DUOX2: variants seen among roughly 807,000 people sequenced by gnomAD.
The protein encoded by DUOX2 is NADH/NADPH thyroid oxidase p138-tox.
Under a neutral mutation model 183.3 loss-of-function variants are expected in DUOX2, and 185 were observed. The ratio of observed to expected loss-of-function variants is 1.01; its 90% CI spans 0.90 to 1.14. The LOEUF is 1.14. Ranked by LOEUF, DUOX2 falls within the 50% of genes most tolerant of loss-of-function variation. The probability of loss-of-function intolerance (pLI) is 0.00; values close to 1 mark genes in which losing one functional copy is unlikely to be tolerated. For synonymous variants in DUOX2, 788 were observed against 812.4 expected (o/e 0.97, Z 0.51); for missense variants, 1,999 against 2,022.9 (o/e 0.99, Z 0.23).
In DUOX2 at chr15:45,110,801, T is replaced by C; in HGVS notation, c.883-91A>G. On this transcript the variant is annotated intron_variant, in intron 7 of 33. Transcript: ENST00000389039. ...CCCAAGGACGGCTTCCGTGTGGAGA[T>C]GAGACCAGGAAGGGTCAATCATGGG... is the stretch of plus-strand genomic sequence containing the variant. 1.0e-5 allele frequency: 16 copies of C among 1,593,236 alleles called. No homozygotes were observed. In the Middle Eastern group the frequency reaches 6.8e-4, roughly 68 times the overall value.
rs200785525 is a variant in DUOX2, at chr15:45,094,679, G to C, written c.4408C>G (p.Arg1470Gly). 3 of 1,613,974 alleles carry C rather than the reference G, an allele frequency of 1.9e-6. No individual in the cohort carries two copies. Among genetic ancestry groups the C allele is most frequent in the Non-Finnish European group, 2.5e-6 (3 of 1,179,950 alleles). Residue 1470 changes from arginine (R) to glycine (G), a missense_variant, in exon 33 of 34, where the codon CGG (arginine) becomes GGG (glycine). Around this residue, in one of 3 missense-constraint regions of DUOX2, gnomAD observed 1,628 missense variants for 1,608.6 expected, o/e 1.01. Coordinates refer to ENST00000389039, the MANE Select transcript of DUOX2 (RefSeq NM_001363711.2). Reference protein sequence around the residue: ...LRTTMLYICERHFQKVLNRSL... With the variant: ...LRTTMLYICEGHFQKVLNRSL... ...CGGTTCAGCACTTTCTGGAAGTGCC[G>C]CTCGCAGATGTACTGGGGGCACAGG...
In DUOX2 at chr15:45,098,064, G is replaced by A. The variant is rs762150396; in HGVS notation, c.3516-6C>T. On this transcript the variant is annotated splice_region_variant and splice_polypyrimidine_tract_variant and intron_variant, in intron 26 of 33. Coordinates refer to ENST00000389039, the MANE Select transcript of DUOX2 (RefSeq NM_001363711.2). ...ACTTCTGGGGAAGCTTGGACCTGGG[G>A]GGCAAAGGCACCTTGAGCCTCTGAC... 3 of 1,614,056 alleles carry A rather than the reference G, an allele frequency of 1.9e-6. No homozygotes were observed. The highest frequency in any genetic ancestry group is 3.3e-5 in the Admixed American group (2 of 60,028).
At chr15:45,099,931 G>A in intron 24 of DUOX2, 39 bp from the exon 25 acceptor site, 2 of 1,611,156 alleles carry the variant, frequency 1.2e-6, no homozygotes. Context: ...TGGCACAGGT[G>A]GCCAAGGTCC....
At chr15:45,107,114 C>T in intron 14 of DUOX2, 145 bp from the exon 15 acceptor site, 1 of 1,301,978 alleles carries the variant, frequency 7.7e-7, no homozygotes. Context: ...CAAAAAGTCC[C>T]CATTCATTTC....
At position 45,094,261 on chromosome 15, in the gene DUOX2, G is replaced by A. The variant is rs371167766; in HGVS notation, c.4536C>T (p.Ile1512=). 6.1e-5 allele frequency: 99 copies of A among 1,614,002 alleles called. No individual in the cohort carries two copies. The highest frequency in any genetic ancestry group is 7.9e-5 in the Non-Finnish European group (93 of 1,180,028). ...CTGGAGGGCCGCAGCTGAACACCCC[G>A]ATCTTGCGCACCTGTCAGGAGATTG... The part of the protein sequence containing the change: ...LQEVHPQVRK[I]GVFSCGPPGM... Residue 1512 remains isoleucine, a synonymous_variant, in exon 34 of 34, where the codon ATC becomes ATT. Coordinates refer to ENST00000389039, the MANE Select transcript of DUOX2 (RefSeq NM_001363711.2).
chr15:45,106,297 C>T lies in DUOX2; in HGVS notation c.1976G>A (p.Ser659Asn). ...CAGCAGCTGGATGATGATGGGACTG[C>T]TCCTCTCCTTGGGGCCTGGCCACTC... ...AMEWPGPKER[S>N]SPIIIQLLSD... Residue 659 changes from serine to asparagine, a missense_variant, in exon 17 of 34, where the codon AGC becomes AAC. This residue lies in a region of DUOX2 where 1,628 missense variants were observed against 1,608.6 expected (regional missense o/e 1.01). Transcript: ENST00000389039. 3 of 1,614,112 alleles carry T rather than the reference C, an allele frequency of 1.9e-6. No homozygotes were observed. Among genetic ancestry groups the T allele is most frequent in the South Asian group, 2.2e-5 (2 of 91,082 alleles).
rs1404095647 is a variant in DUOX2 at position 45,095,562 on chromosome 15, G to C, written c.4114C>G (p.Gln1372Glu). ...YLDGPFGEGH[Q>E]EWHKFEVSVL... ...GACACCTCAAATTTATGCCACTCCTGATGGCCCTCTCCAAACGGTCCATCA... is the reference window on the plus strand; with the variant it reads ...GACACCTCAAATTTATGCCACTCCTCATGGCCCTCTCCAAACGGTCCATCA... Residue 1372 changes from glutamine (Q) to glutamate (E), a missense_variant, in exon 31 of 34, where the codon CAG becomes GAG. Around this residue, in one of 3 missense-constraint regions of DUOX2, gnomAD observed 1,628 missense variants for 1,608.6 expected, o/e 1.01. Transcript: ENST00000389039. The C allele has an allele frequency of 1.2e-6, 2 of 1,614,194 alleles. No individual in the cohort carries two copies. The highest frequency in any genetic ancestry group is 2.2e-5 in the East Asian group (1 of 44,878).
At chr15:45,108,595 C>T in intron 12 of DUOX2, 194 bp downstream of exon 12, 1 of 704,746 alleles carries the variant, frequency 1.4e-6, no homozygotes, top group Non-Finnish European at 2.4e-6. Context: ...GGAATATATT[C>T]TGGAATCAGA....
At position 45,099,730 on chromosome 15, in the gene DUOX2, C is replaced by A. The variant is rs145586290; in HGVS notation, c.3347G>T (p.Arg1116Leu). Reference protein sequence around the residue: ...ITFLRETFLNRYVPFDAAVDF... With the variant: ...ITFLRETFLNLYVPFDAAVDF... Reference sequence around the variant, plus strand: ...CACTGCGGCATCAAAAGGCACATAGCGGTTGAGGAAAGTCTCTCGCAGGAA... The same window carrying A: ...CACTGCGGCATCAAAAGGCACATAGAGGTTGAGGAAAGTCTCTCGCAGGAA... Residue 1116 changes from arginine to leucine, a missense_variant, in exon 25 of 34, where the codon CGC becomes CTC. Arg to Leu is a moderately radical substitution (Grantham distance 102). Around this residue, in one of 3 missense-constraint regions of DUOX2, gnomAD observed 1,628 missense variants for 1,608.6 expected, o/e 1.01. Coordinates refer to ENST00000389039, the MANE Select transcript of DUOX2 (RefSeq NM_001363711.2). 1 of 1,614,148 alleles carries A rather than the reference C, an allele frequency of 6.2e-7. No individual in the cohort carries two copies. Among genetic ancestry groups the A allele is most frequent in the Non-Finnish European group, 8.5e-7 (1 of 1,180,026 alleles).
chr15:45,093,152 G>A lies in DUOX2; in HGVS notation c.*998C>T, dbSNP rs898842255. On this transcript the variant is annotated 3_prime_UTR_variant, in exon 34 of 34. Transcript: ENST00000389039. ...GGGGATGTTTCAGCCTGGCTCTTGC[G>A]TAAGGTGACCAGCTGTCCCAATCTG... 12 of 152,220 alleles carry A rather than the reference G, an allele frequency of 7.9e-5. No homozygotes were observed. The highest frequency in any genetic ancestry group is 2.7e-4 in the African/African-American group (11 of 41,448). 9.4% of individuals were successfully genotyped at this position (152,220 alleles called of 1,614,324 possible).
rs764655103 is a variant in DUOX2 at position 45,107,402 on chromosome 15, C to T, written c.1636G>A (p.Ala546Thr). 13 of 1,614,118 alleles carry T rather than the reference C, an allele frequency of 8.1e-6. No homozygotes were observed. The highest frequency in any genetic ancestry group is 1.6e-4 in the Middle Eastern group (1 of 6,084). Reference protein sequence around the residue: ...RNTTLRDVLVAVINIDPSALQ... With the variant: ...RNTTLRDVLVTVINIDPSALQ... ...GCACTGGGGTCAATGTTGATAACAGCGACCAGCACGTCCCGCAGGGTGGTA... is the reference window on the plus strand; with the variant it reads ...GCACTGGGGTCAATGTTGATAACAGTGACCAGCACGTCCCGCAGGGTGGTA... The change falls in exon 14 of 34, where the codon GCT becomes ACT. Residue 546 changes from alanine (A) to threonine (T), a missense_variant. Ala to Thr is a moderately conservative substitution (Grantham distance 58, BLOSUM62 0). Coordinates refer to ENST00000389039, the MANE Select transcript of DUOX2 (RefSeq NM_001363711.2).
At chr15:45,110,763 G>A in intron 7 of DUOX2, 53 bp from the exon 8 acceptor site, 2 of 1,611,320 alleles carry the variant, frequency 1.2e-6, no homozygotes, top group Non-Finnish European at 1.7e-6. Context: ...TGTGGGGCCT[G>A]GAAGGGTCTG....
At chr15:45,104,715 G>A (rs1181352830) in intron 18 of DUOX2, among the ~76,000 whole-genome samples, 1 of 152,232 alleles carries the variant, frequency 6.6e-6, no homozygotes, top group East Asian at 1.9e-4. Flanking sequence ...CAGGCAGGAA[G>A]GGGCTGGGGC....
Position 45,111,928 on chromosome 15 carries a change from C to T in DUOX2, c.353G>A (p.Ser118Asn), listed in dbSNP as rs1161459647. The T allele has an allele frequency of 1.9e-6, 3 of 1,613,634 alleles. No individual in the cohort carries two copies. Among genetic ancestry groups the T allele is most frequent in the Non-Finnish European group, 2.5e-6 (3 of 1,180,020 alleles). Reference sequence around the variant, plus strand: ...GGCGGGGCAACCGGGCGTTTCCACGCTCACCACGTCGGAAAGAACATGGTA... The same window carrying T: ...GGCGGGGCAACCGGGCGTTTCCACGTTCACCACGTCGGAAAGAACATGGTA... ...FGYHVLSDVV[S>N]VETPGCPAEF... Residue 118 changes from serine (S) to asparagine (N), a missense_variant, in exon 5 of 34, where the codon AGC becomes AAC. By Grantham distance (46) the Ser-to-Asn change is conservative (BLOSUM62 1). Transcript: ENST00000389039.
chr15:45,112,456 G>A, intron 4 of DUOX2, 98 bp downstream of exon 4: 6 of 1,488,704 alleles, frequency 4.0e-6, no homozygotes, highest in Non-Finnish European at 4.6e-6. Flanking sequence ...GTTGGGAGTC[G>A]GATGGGTCTC....
rs1026137909 is a variant in DUOX2, at chr15:45,097,234, A to G, written c.3847+4T>C. The G allele has an allele frequency of 6.2e-7, 1 of 1,614,028 alleles. No homozygotes were observed. The highest frequency in any genetic ancestry group is 1.1e-5 in the South Asian group (1 of 91,090). On this transcript the variant is annotated splice_donor_region_variant and intron_variant, in intron 29 of 33. Transcript: ENST00000389039. ...CCCGACCCAGGTCAGGCTGGGCCTG[A>G]TACCTGAGGGCAGCAGCTCCGCCTT...
chr15:45,099,068 T>G (rs1195655436), intron 26 of DUOX2: 2 of 319,712 alleles, frequency 6.3e-6, no homozygotes, highest in Non-Finnish European at 1.2e-5. Context: ...TGGACTGCAG[T>G]GGCGCTATCC....
At position 45,111,815 on chromosome 15, in the gene DUOX2, G is replaced by T. The variant is rs762968629; in HGVS notation, c.466C>A (p.Arg156Ser). The change falls in exon 5 of 34, where the codon CGC becomes AGC. Residue 156 changes from arginine to serine, a missense_variant. This residue lies in a region of DUOX2 where 356 missense variants were observed against 356.4 expected (regional missense o/e 1.00). Transcript: ENST00000389039. Reference sequence around the variant, plus strand: ...CTCCGTCCGGTCTCGGGGTCCCAGCGGCTCCTCTGGAAGGGCAGCACCACG... The same window carrying T: ...CTCCGTCCGGTCTCGGGGTCCCAGCTGCTCCTCTGGAAGGGCAGCACCACG... ...GDVVLPFQRS[R>S]WDPETGRSPS... is the part of the protein sequence containing the mutation. The T allele has an allele frequency of 3.7e-6, 6 of 1,612,594 alleles. No individual in the cohort carries two copies. Among genetic ancestry groups the T allele is most frequent in the Non-Finnish European group, 5.1e-6 (6 of 1,179,712 alleles).
chr15:45,109,111 G>T, intron 11 of DUOX2, 159 bp from the exon 12 acceptor site: 1 of 947,778 alleles, frequency 1.1e-6, no homozygotes, highest in Non-Finnish European at 1.6e-6. Flanking sequence ...CTTGCTGCAA[G>T]GCCAATGTCA....
Sources: allele counts gnomAD v4.1 joint callset (sites outside exome capture counted in the v4.1 genomes callset), GRCh38; gene constraint gnomAD v4.1.1; regional missense constraint gnomAD v4.1.1; transcripts MANE v1.5; gene names NCBI Gene and HGNC (gene_info 2026-07-23, HGNC 2026-07-21).